Variants in RAB3IP observed in about 807,000 individuals in gnomAD.
The protein encoded by RAB3IP is RAB3A interacting protein, also known as rab-3A-interacting protein.
A neutral mutation model predicts 59.1 loss-of-function variants in RAB3IP; 36 were observed. The observed-to-expected ratio is 0.61, with a 90% CI of 0.47 to 0.80. RAB3IP has a LOEUF of 0.80. RAB3IP is among the 30% of genes least tolerant of loss of function. The pLI, the probability that RAB3IP is intolerant of heterozygous loss-of-function variation, is 0.00. For missense variants in RAB3IP, 511 were observed against 536.0 expected, an observed-to-expected ratio of 0.95 and a Z score of 0.46; for synonymous variants, 207 against 191.2, an observed-to-expected ratio of 1.08 and a Z score of -0.68.
At chr12:69,814,183 G>C (rs1307091210) in intron 10 of RAB3IP, among the ~76,000 whole-genome samples, 1 of 152,074 alleles carries the variant, frequency 6.6e-6, no homozygotes, top group African/African-American at 2.4e-5. Context: ...AAGTATAATT[G>C]CCAAGAATAT....
chr12:69,787,446 T>G (rs1875868192), intron 4 of RAB3IP, among the ~76,000 whole-genome samples: 1 of 152,186 alleles, frequency 6.6e-6, no homozygotes, highest in African/African-American at 2.4e-5. Context: ...ATGATGCATA[T>G]AGGGCAGATT....
chr12:69,747,772 C>T (rs1391205683), intron 1 of RAB3IP, among the ~76,000 whole-genome samples: 1 of 152,158 alleles, frequency 6.6e-6, no homozygotes, highest in Non-Finnish European at 1.5e-5. Context: ...AAGTACATTC[C>T]TTTATCTACC....
At chr12:69,769,519 C>A (rs967286419) in intron 3 of RAB3IP, among the ~76,000 whole-genome samples, 1 of 152,184 alleles carries the variant, frequency 6.6e-6, no homozygotes, top group African/African-American at 2.4e-5. Flanking sequence ...GCATTCTCCT[C>A]CCTGGTATCT....
At chr12:69,766,435 T>G (rs1431216003) in intron 3 of RAB3IP, among the ~76,000 whole-genome samples, 1 of 152,076 alleles carries the variant, frequency 6.6e-6, no homozygotes, top group Middle Eastern at 3.2e-3. Context: ...TTCTGTTCGG[T>G]CCCATCTGTT....
chr12:69,764,712 T>C (rs1197839957), intron 3 of RAB3IP, among the ~76,000 whole-genome samples: 1 of 152,226 alleles, frequency 6.6e-6, no homozygotes, highest in Admixed American at 6.5e-5. Context: ...AGGAATACCG[T>C]TGAATCTGTA....
chr12:69,753,161 A>G (rs961454368), intron 1 of RAB3IP, among the ~76,000 whole-genome samples: 4 of 152,192 alleles, frequency 2.6e-5, no homozygotes, highest in African/African-American at 9.7e-5. Flanking sequence ...AAAGTCTGTG[A>G]CACATACTAA....
chr12:69,780,844 TTTTTG>T (rs950782928), intron 3 of RAB3IP, among the ~76,000 whole-genome samples: 15 of 152,178 alleles, frequency 9.9e-5, no homozygotes, highest in African/African-American at 3.6e-4. Context: ...GAAGGTTTGA[TTTTTG>T]TTTTGTTATT....
At chr12:69,789,753 G>C (rs1178737931) in intron 4 of RAB3IP, among the ~76,000 whole-genome samples, 2 of 152,274 alleles carry the variant, frequency 1.3e-5, no homozygotes, top group East Asian at 3.9e-4. Flanking sequence ...AATGGGATTT[G>C]TCCCTGGGAT....
chr12:69,808,369 TG>T (rs573257374), intron 8 of RAB3IP, among the ~76,000 whole-genome samples: 1,598 of 152,306 alleles, frequency 0.01, 39 homozygotes, highest in African/African-American at 0.037. Flanking sequence ...TATATTCTGT[TG>T]ATTTGGGGTG....
At chr12:69,756,820 C>T (rs757775521) in intron 3 of RAB3IP, among the ~76,000 whole-genome samples, 157 bp downstream of exon 3, 8 of 152,072 alleles carry the variant, frequency 5.3e-5, no homozygotes, top group Non-Finnish European at 1.0e-4. Context: ...TTTAGGAATC[C>T]GTGAAACTGG....
chr12:69,755,168 A>G (rs1194973537), intron 1 of RAB3IP, among the ~76,000 whole-genome samples: 2 of 152,060 alleles, frequency 1.3e-5, no homozygotes, highest in African/African-American at 2.4e-5. Context: ...TGCAACCTGC[A>G]TTTGGGCTCA....
In RAB3IP at chr12:69,808,596, G is replaced by C. The variant is rs970892605; in HGVS notation, c.1131-4182G>C. ...ATGAATCTGGGTGCTCCTGTATTGG[G>C]TGCATATATATTTAGGATAGTTAGT... On this transcript the variant is annotated intron_variant, in intron 8 of 10. Coordinates refer to ENST00000247833, the MANE Select transcript of RAB3IP (RefSeq NM_022456.5). Among the ~76,000 whole-genome samples the C allele has an allele frequency of 4.1e-4, 63 of 152,262 alleles. 1 individual carries two copies. The highest frequency in any genetic ancestry group is 1.5e-3 in the African/African-American group (61 of 41,534).
intron 6 of RAB3IP, chr12:69,795,545 C>A: frequency 1.7e-6 from 1 of 595,706 alleles, no homozygotes; most frequent in Non-Finnish European, 3.0e-6. Context: ...GGAGTACCTG[C>A]TGGAAACTTG....
At chr12:69,744,083 C>T (rs534924002) in intron 1 of RAB3IP, among the ~76,000 whole-genome samples, 7 of 151,824 alleles carry the variant, frequency 4.6e-5, no homozygotes, top group African/African-American at 7.3e-5. Context: ...TTTGCTGCAC[C>T]GGTCAACCCA....
In RAB3IP at chr12:69,756,598, T is replaced by A; in HGVS notation, c.445T>A (p.Ser149Thr). The A allele has an allele frequency of 6.2e-7, 1 of 1,614,084 alleles. No homozygotes were observed. The highest frequency in any genetic ancestry group is 8.5e-7 in the Non-Finnish European group (1 of 1,179,936). The change falls in exon 3 of 11, where the codon TCT becomes ACT. Residue 149 changes from serine to threonine, a missense_variant. Coordinates refer to ENST00000247833, the MANE Select transcript of RAB3IP (RefSeq NM_022456.5). ...TDSLSRLRSP[S>T]VLEVREKGYE... ...TAGTCTGTCTCGTTTACGAAGCCCA[T>A]CTGTTTTGGAAGTTAGAGAAAAGGG...
intron 1 of RAB3IP, among the ~76,000 whole-genome samples, chr12:69,752,431 G>A (rs1020300626): frequency 5.3e-5 from 8 of 151,662 alleles, no homozygotes; most frequent in African/African-American, 1.5e-4. Context: ...TCACTTCATA[G>A]CGATACATGG....
Position 69,792,691 on chromosome 12 carries a change from C to T in RAB3IP, c.607-1746C>T, listed in dbSNP as rs552550759. On this transcript the variant is annotated intron_variant, in intron 4 of 10. Transcript: ENST00000247833. ...ACTGATCCTGCCCCAGTCTAGTGCT[C>T]ATCTTTCCTTTTGGGGCTCCAATTA... Among the ~76,000 whole-genome samples the T allele has an allele frequency of 4.6e-5, 7 of 152,304 alleles. No individual in the cohort carries two copies. In the South Asian group the frequency reaches 1.2e-3, roughly 27 times the overall value.
intron 7 of RAB3IP, 121 bp downstream of exon 7, chr12:69,800,458 T>C: frequency 1.6e-6 from 1 of 632,848 alleles, no homozygotes; most frequent in Admixed American, 4.0e-5. Context: ...ATGTCATGTT[T>C]TGCTATTTTT....
chr12:69,797,897 C>A (rs1877758072), intron 6 of RAB3IP, among the ~76,000 whole-genome samples: 1 of 152,114 alleles, frequency 6.6e-6, no homozygotes, highest in African/African-American at 2.4e-5. Context: ...TGTATATGTG[C>A]CACATTTTCT....
Sources: gnomAD v4.1 joint callset for allele counts (sites outside exome capture counted in the v4.1 genomes callset) on GRCh38, gnomAD v4.1.1 for gene constraint, MANE v1.5 for transcripts, NCBI Gene and HGNC (gene_info 2026-07-23, HGNC 2026-07-21) for gene names.